Variants in OAS3 observed in about 807,000 individuals in gnomAD.
The protein encoded by OAS3 is 2'-5'-oligoadenylate synthetase 3, also known as 2'-5'-oligoadenylate synthase 3.
A neutral mutation model predicts 113.0 loss-of-function variants in OAS3; 107 were observed. The observed-to-expected ratio is 0.95, with a 90% CI of 0.81 to 1.11. The LOEUF (loss-of-function observed/expected upper bound fraction) is 1.11, where lower values mean the gene tolerates loss of function less well. OAS3 is among the 50% of genes most tolerant of loss of function. The pLI is 0.00. For missense variants in OAS3, 1,258 were observed against 1,389.1 expected, an observed-to-expected ratio of 0.91 and a Z score of 1.50; for synonymous variants, 552 against 573.6, an observed-to-expected ratio of 0.96 and a Z score of 0.54.
chr12:112,944,547 G>C lies in OAS3; in HGVS notation c.532G>C (p.Gly178Arg), dbSNP rs780252672. 6.8e-6 allele frequency: 11 copies of C among 1,613,938 alleles called. No individual in the cohort carries two copies. In the Admixed American group the frequency reaches 1.7e-4, roughly 24 times the overall value. ...STLLNSGCQG[G>R]EHAACFTELR... is the part of the protein sequence containing the mutation. ...CCTCCTCAACAGTGGCTGCCAAGGG[G>C]GCGAGCATGCGGCCTGCTTCACAGA... The change falls in exon 3 of 16, where the codon GGC (glycine) becomes CGC (arginine). Residue 178 changes from glycine (G) to arginine (R), a missense_variant. Physicochemically the swap from Gly to Arg is moderately radical, Grantham distance 125. Coordinates refer to ENST00000228928, the MANE Select transcript of OAS3 (RefSeq NM_006187.4).
chr12:112,967,498 T>C lies in OAS3; in HGVS notation c.2770T>C (p.Ser924Pro), dbSNP rs1291365913. ...IHSYSNAGEY[S>P]TCFTELQRDF... ...CAGCTACAGCAATGCGGGCGAGTAC[T>C]CCACCTGCTTCACAGAGCTACAACG... The change falls in exon 13 of 16, where the codon TCC becomes CCC. Residue 924 changes from serine to proline, a missense_variant. Transcript: ENST00000228928. 6.2e-7 allele frequency: 1 copy of C among 1,613,778 alleles called. No homozygotes were observed.
Position 112,949,188 on chromosome 12 carries a change from G to A in OAS3, c.1357G>A (p.Ala453Thr). 6.2e-7 allele frequency: 1 copy of A among 1,611,298 alleles called. No individual in the cohort carries two copies. The highest frequency in any genetic ancestry group is 1.3e-5 in the African/African-American group (1 of 74,802). Residue 453 changes from alanine to threonine, a missense_variant, in exon 6 of 16, where the codon GCC becomes ACC. Transcript: ENST00000228928. Reference protein sequence around the residue: ...RCLHENCVHKASRVSKGGSFG... With the variant: ...RCLHENCVHKTSRVSKGGSFG... Reference sequence around the variant, plus strand: ...CCTCCATGAGAACTGTGTTCACAAGGCCTCAAGAGTCAGTAAAGTGAGTTG... The same window carrying A: ...CCTCCATGAGAACTGTGTTCACAAGACCTCAAGAGTCAGTAAAGTGAGTTG...
intron 12 of OAS3, among the ~76,000 whole-genome samples, chr12:112,967,182 G>A (rs1194428122): frequency 1.3e-5 from 2 of 152,176 alleles, no homozygotes; most frequent in Non-Finnish European, 2.9e-5. Flanking sequence ...TTCCAAGATA[G>A]GTAAGCAGAT....
intron 7 of OAS3, among the ~76,000 whole-genome samples, chr12:112,960,377 G>T (rs1467247122): frequency 6.6e-6 from 1 of 152,006 alleles, no homozygotes; most frequent in Non-Finnish European, 1.5e-5. Flanking sequence ...CTTCCTTGAA[G>T]CCCCTCTCTG....
At position 112,963,185 on chromosome 12, in the gene OAS3, G is replaced by C. The variant is rs868553947; in HGVS notation, c.2085-128G>C. The C allele has an allele frequency of 1.5e-4, 188 of 1,221,322 alleles. No individual in the cohort carries two copies. In the Middle Eastern group the frequency reaches 5.2e-3, roughly 33 times the overall value. The allele number at this position is 1,221,322 out of a possible 1,614,324, so 75.7% of individuals were successfully genotyped here. On this transcript the variant is annotated intron_variant, in intron 9 of 15. Coordinates refer to ENST00000228928, the MANE Select transcript of OAS3 (RefSeq NM_006187.4). The surrounding 1 kb of genome is among the most constrained non-coding windows in gnomAD (Gnocchi z 4.6). Reference sequence around the variant, plus strand: ...CCAATTGAGATCGCTTCTGCACTTGGGCAAGACTGAGCCAACCCTGAGGTC... The same window carrying C: ...CCAATTGAGATCGCTTCTGCACTTGCGCAAGACTGAGCCAACCCTGAGGTC...
At chr12:112,955,634 G>A (rs2043826945) in intron 7 of OAS3, among the ~76,000 whole-genome samples, 1 of 152,204 alleles carries the variant, frequency 6.6e-6, no homozygotes, top group Non-Finnish European at 1.5e-5. Flanking sequence ...ATTGATTTGT[G>A]TATGTTGAAC....
rs1192648793 is a variant in OAS3, at chr12:112,963,016, C to T, written c.2084+114C>T. ...TAGGGTTTGGGGTGGCAATCCCACT[C>T]CTCACTCTGCTTCCCTCTGGACTCT... On this transcript the variant is annotated intron_variant, in intron 9 of 15. Coordinates refer to ENST00000228928, the MANE Select transcript of OAS3 (RefSeq NM_006187.4). The surrounding 1 kb of genome is among the most constrained non-coding windows in gnomAD (Gnocchi z 4.6). The T allele has an allele frequency of 7.1e-7, 1 of 1,404,870 alleles. No individual in the cohort carries two copies. Among genetic ancestry groups the T allele is most frequent in the Non-Finnish European group, 9.8e-7 (1 of 1,023,036 alleles). 87.0% of individuals were successfully genotyped at this position (1,404,870 alleles called of 1,614,324 possible).
At chr12:112,942,187 G>A (rs2043686912) in intron 2 of OAS3, 4 of 525,968 alleles carry the variant, frequency 7.6e-6, no homozygotes, top group Non-Finnish European at 1.3e-5. Flanking sequence ...GTGGCTAGCA[G>A]TAGGGGCCTG....
At chr12:112,959,360 C>A (rs1020305111) in intron 7 of OAS3, among the ~76,000 whole-genome samples, 5 of 151,558 alleles carry the variant, frequency 3.3e-5, no homozygotes, top group Non-Finnish European at 7.3e-5. Context: ...TCCAACAAGC[C>A]ACAGTGAGAG....
intron 7 of OAS3, among the ~76,000 whole-genome samples, chr12:112,957,320 A>G (rs1200549979): frequency 6.6e-6 from 1 of 152,204 alleles, no homozygotes; most frequent in African/African-American, 2.4e-5. Flanking sequence ...TAATTGGAGC[A>G]TTTAGTCCAT....
chr12:112,952,592 T>C (rs1443978549), intron 7 of OAS3, among the ~76,000 whole-genome samples: 1 of 152,240 alleles, frequency 6.6e-6, no homozygotes, highest in Non-Finnish European at 1.5e-5. Flanking sequence ...TTAACAAATT[T>C]TTTCACCATT....
intron 7 of OAS3, among the ~76,000 whole-genome samples, chr12:112,952,173 G>A (rs960537889): frequency 6.6e-6 from 1 of 152,116 alleles, no homozygotes; most frequent in African/African-American, 2.4e-5. Flanking sequence ...TTGCAATTCT[G>A]TAAATTTTGT....
chr12:112,940,343 G>A (rs571855548), intron 1 of OAS3, among the ~76,000 whole-genome samples: 67 of 152,266 alleles, frequency 4.4e-4, no homozygotes, highest in African/African-American at 1.4e-3. Flanking sequence ...CCTTGCTCCT[G>A]GAGGGCTCCA....
At chr12:112,965,198 G>T (rs532784234) in intron 11 of OAS3, among the ~76,000 whole-genome samples, 2 of 152,300 alleles carry the variant, frequency 1.3e-5, no homozygotes, top group South Asian at 4.1e-4. Flanking sequence ...CAGGGATGCT[G>T]GTTTGCTGTG....
At chr12:112,958,561 A>C (rs550821447) in intron 7 of OAS3, among the ~76,000 whole-genome samples, 3 of 152,332 alleles carry the variant, frequency 2.0e-5, no homozygotes, top group African/African-American at 7.2e-5. Context: ...TTTCCTTCTA[A>C]CAGTCAGGAC....
At chr12:112,945,982 A>T (rs901408463) in intron 3 of OAS3, among the ~76,000 whole-genome samples, 5 of 151,974 alleles carry the variant, frequency 3.3e-5, no homozygotes, top group African/African-American at 1.2e-4. Flanking sequence ...ACAGAGTAAG[A>T]CTCTGTCTAT....
rs768202617 is a variant in OAS3 at position 112,938,630 on chromosome 12, GGC to G, written c.103_104del (p.Ala35ProfsTer39). Reference protein sequence around the residue: ...EFVEKARRALGALAAALRERG... With the variant: ...EFVEKARRALXALAAALRERG... ...CGTAGAGAAGGCGCGGCGCGCTCTGGGCGCCCTGGCCGCTGCCCTGAGGGAGC... is the reference window on the plus strand; with the variant it reads ...CGTAGAGAAGGCGCGGCGCGCTCTGGGCCCTGGCCGCTGCCCTGAGGGAGC... On this transcript the variant is annotated frameshift_variant, in exon 1 of 16. Transcript: ENST00000228928. LOFTEE classifies it high-confidence loss of function. 3 of 1,607,420 alleles carry G rather than the reference GGC, an allele frequency of 1.9e-6. No homozygotes were observed. Among genetic ancestry groups the G allele is most frequent in the Non-Finnish European group, 2.5e-6 (3 of 1,177,884 alleles).
chr12:112,953,903 G>A (rs1304296133), intron 7 of OAS3, among the ~76,000 whole-genome samples: 1 of 152,188 alleles, frequency 6.6e-6, no homozygotes, highest in Non-Finnish European at 1.5e-5. Context: ...TTTGTCAGAT[G>A]AGTAGATTGT....
intron 1 of OAS3, 85 bp from the exon 2 acceptor site, chr12:112,941,485 A>C: frequency 1.4e-6 from 2 of 1,458,210 alleles, no homozygotes; most frequent in Non-Finnish European, 1.9e-6. Context: ...TCCCCAGCAC[A>C]CTTGCCTCAC....
Sources: allele counts gnomAD v4.1 joint callset (sites outside exome capture counted in the v4.1 genomes callset), GRCh38; gene constraint gnomAD v4.1.1; non-coding constraint Gnocchi (gnomAD v3.1); transcripts MANE v1.5; gene names NCBI Gene and HGNC (gene_info 2026-07-23, HGNC 2026-07-21).